The following HMCES variants were observed in gnomAD, a reference collection of about 807,000 sequenced individuals.
The protein encoded by HMCES is 5-hydroxymethylcytosine binding, ES cell specific.
Under a neutral mutation model 35.1 loss-of-function variants are expected in HMCES, and 27 were observed. The observed-to-expected ratio is 0.77, with a 90% CI of 0.57 to 1.06. The LOEUF (loss-of-function observed/expected upper bound fraction) is 1.06, where lower values mean the gene tolerates loss of function less well. HMCES is among the 50% of genes least tolerant of loss of function. HMCES has a pLI of 0.00. For synonymous variants in HMCES, 130 were observed against 154.7 expected (o/e 0.84, Z 1.18); for missense variants, 391 against 430.4 (o/e 0.91, Z 0.81).
intron 2 of HMCES, among the ~76,000 whole-genome samples, chr3:129,287,634 T>C (rs1940673134): frequency 6.6e-6 from 1 of 152,124 alleles, no homozygotes; most frequent in Non-Finnish European, 1.5e-5. Flanking sequence ...CCTTATGAGT[T>C]GGGGAAAAGT....
chr3:129,285,962 T>C (rs1940629014), intron 2 of HMCES, among the ~76,000 whole-genome samples: 1 of 152,158 alleles, frequency 6.6e-6, no homozygotes, highest in Non-Finnish European at 1.5e-5. Flanking sequence ...ACTCCTGACC[T>C]GAGGTGATCC....
chr3:129,300,351 CTG>C (rs1422078818), intron 5 of HMCES, among the ~76,000 whole-genome samples: 1 of 152,128 alleles, frequency 6.6e-6, no homozygotes, highest in Non-Finnish European at 1.5e-5. Flanking sequence ...ACAGATGAAA[CTG>C]TGCATAAGCA....
chr3:129,279,506 C>T lies in HMCES; in HGVS notation c.-23-204C>T, dbSNP rs1560071128. Among the ~76,000 whole-genome samples, 1 of 152,338 alleles carries T rather than the reference C, an allele frequency of 6.6e-6. No individual in the cohort carries two copies. Among genetic ancestry groups the T allele is most frequent in the Admixed American group, 6.5e-5 (1 of 15,306 alleles). On this transcript the variant is annotated intron_variant, in intron 1 of 6. Transcript: ENST00000383463. This position sits in a 1 kb window ranked among gnomAD's most constrained non-coding sequence, Gnocchi z 4.2. ...GCTCCTCTCGGGACTTGCCTCAGTG[C>T]CCTGCACGGAGCTGGGCAGTGGGCT...
intron 2 of HMCES, among the ~76,000 whole-genome samples, chr3:129,287,887 G>A (rs1456052284): frequency 2.0e-5 from 3 of 151,876 alleles, no homozygotes; most frequent in East Asian, 3.9e-4. Flanking sequence ...GTGAAACCCC[G>A]TCTTTAGTAA....
In HMCES at chr3:129,298,473, C is replaced by A. The variant is rs1480063288; in HGVS notation, c.573C>A (p.Val191=). 1.9e-6 allele frequency: 3 copies of A among 1,613,982 alleles called. No individual in the cohort carries two copies. Among genetic ancestry groups the A allele is most frequent in the Admixed American group, 1.7e-5 (1 of 59,996 alleles). ...GGGAGCCCCCAGAGGGAGGAGATGT[C>A]CTGTATTCCTATACCATCATCACAG... The part of the protein sequence containing the change: ...DCWEPPEGGD[V]LYSYTIITVD... Residue 191 remains valine, a synonymous_variant, in exon 5 of 7, where the codon GTC becomes GTA. Coordinates refer to ENST00000383463, the MANE Select transcript of HMCES (RefSeq NM_020187.3).
chr3:129,284,934 A>G (rs1481152793), intron 2 of HMCES, among the ~76,000 whole-genome samples: 1 of 152,150 alleles, frequency 6.6e-6, no homozygotes, highest in Non-Finnish European at 1.5e-5. Context: ...ATTAATGGAT[A>G]CAGCAGGCAG....
At chr3:129,292,196 T>G (rs938489647) in intron 4 of HMCES, among the ~76,000 whole-genome samples, 1 of 152,198 alleles carries the variant, frequency 6.6e-6, no homozygotes, top group Non-Finnish European at 1.5e-5. Flanking sequence ...TTAATTAGAT[T>G]ATTTAGTCTG....
chr3:129,285,525 C>A (rs1296281977), intron 2 of HMCES, among the ~76,000 whole-genome samples: 3 of 151,906 alleles, frequency 2.0e-5, no homozygotes, highest in Non-Finnish European at 4.4e-5. Flanking sequence ...AAACTCGGCT[C>A]ACTGCAAGCT....
intron 5 of HMCES, among the ~76,000 whole-genome samples, chr3:129,300,486 C>A (rs1328369472): frequency 6.6e-6 from 1 of 152,234 alleles, no homozygotes; most frequent in Non-Finnish European, 1.5e-5. Flanking sequence ...TTTATACTTT[C>A]TGCCAGAGCT....
chr3:129,294,553 A>C (rs2071069019), intron 4 of HMCES, among the ~76,000 whole-genome samples: 1 of 152,242 alleles, frequency 6.6e-6, no homozygotes, highest in Non-Finnish European at 1.5e-5. Context: ...GTATTCTCCC[A>C]GTTCCTCCTG....
At chr3:129,300,173 TATATA>T (rs2071145874) in intron 5 of HMCES, among the ~76,000 whole-genome samples, 1 of 94,626 alleles carries the variant, frequency 1.1e-5, no homozygotes, top group African/African-American at 8.2e-5. Context: ...TCTTTATATA[TATATA>T]TATATATATA....
intron 4 of HMCES, among the ~76,000 whole-genome samples, chr3:129,295,158 CA>C (rs77238172): frequency 0.047 from 3,069 of 64,634 alleles, 62 homozygotes; most frequent in African/African-American, 0.11. Context: ...GACTCCATCT[CA>C]AAAAAAAAAA....
Position 129,279,617 on chromosome 3 carries a change from C to A in HMCES, c.-23-93C>A. On this transcript the variant is annotated intron_variant, in intron 1 of 6. Coordinates refer to ENST00000383463, the MANE Select transcript of HMCES (RefSeq NM_020187.3). The surrounding 1 kb of genome is among the most constrained non-coding windows in gnomAD (Gnocchi z 4.2). ...GACGGTGGTCACGGAGGGGCACGGCCCTGTGGGAACGGAAAGAGAAGGCGG... is the reference window on the plus strand; with the variant it reads ...GACGGTGGTCACGGAGGGGCACGGCACTGTGGGAACGGAAAGAGAAGGCGG... The A allele has an allele frequency of 7.9e-7, 1 of 1,266,802 alleles. No individual in the cohort carries two copies. Among genetic ancestry groups the A allele is most frequent in the Non-Finnish European group, 1.1e-6 (1 of 905,900 alleles). 78.5% of individuals were successfully genotyped at this position (1,266,802 alleles called of 1,614,324 possible). A position where few individuals can be genotyped will look rare whatever the true frequency, so the allele number is the denominator to read the frequency against.
rs573858849 is a variant in HMCES, at chr3:129,288,974, G to T, written c.304G>T (p.Val102Leu). The T allele has an allele frequency of 6.4e-7, 1 of 1,573,754 alleles. No homozygotes were observed. Among genetic ancestry groups the T allele is most frequent in the South Asian group, 1.1e-5 (1 of 87,492 alleles). ...TACTACCAACTGTCGTAGTGATACCGTAATGGAGAAACGGTCATTTAAGGT... is the reference window on the plus strand; with the variant it reads ...TACTACCAACTGTCGTAGTGATACCTTAATGGAGAAACGGTCATTTAAGGT... The part of the protein sequence containing the change: ...FNTTNCRSDT[V>L]MEKRSFKVPL... Residue 102 changes from valine (V) to leucine (L), a missense_variant, in exon 3 of 7, where the codon GTA becomes TTA. Coordinates refer to ENST00000383463, the MANE Select transcript of HMCES (RefSeq NM_020187.3).
At chr3:129,282,295 C>CAAAAAAA (rs201242976) in intron 2 of HMCES, among the ~76,000 whole-genome samples, 148 of 91,066 alleles carry the variant, frequency 1.6e-3, no homozygotes, top group African/African-American at 4.6e-3. Flanking sequence ...CTGTTTTTAA[C>CAAAAAAA]AAAAAAAAAA....
chr3:129,293,827 C>A (rs772593205), intron 4 of HMCES, among the ~76,000 whole-genome samples: 1 of 152,082 alleles, frequency 6.6e-6, no homozygotes, highest in African/African-American at 2.4e-5. Context: ...CTCAGCACCC[C>A]CTAAGTGCTG....
intron 3 of HMCES, 123 bp downstream of exon 3, chr3:129,289,120 A>G (rs1044238258): frequency 1.3e-6 from 1 of 799,810 alleles, no homozygotes; most frequent in African/African-American, 1.7e-5. Flanking sequence ...GAATGTTCCC[A>G]GTTGTTAATG....
chr3:129,288,551 T>C (rs1274153570), intron 2 of HMCES, among the ~76,000 whole-genome samples: 3 of 133,682 alleles, frequency 2.2e-5, no homozygotes, highest in Non-Finnish European at 4.5e-5. Context: ...AAAAATTAGC[T>C]GGGTATGGGG....
chr3:129,298,941 G>A (rs1310486233), intron 5 of HMCES, among the ~76,000 whole-genome samples: 1 of 152,068 alleles, frequency 6.6e-6, no homozygotes, highest in Non-Finnish European at 1.5e-5. Context: ...TCAGGAGATC[G>A]AGACCATCCT....
Sources: allele counts gnomAD v4.1 joint callset (sites outside exome capture counted in the v4.1 genomes callset), GRCh38; gene constraint gnomAD v4.1.1; non-coding constraint Gnocchi (gnomAD v3.1); transcripts MANE v1.5; gene names NCBI Gene and HGNC (gene_info 2026-07-23, HGNC 2026-07-21).